Variants in FGF13 observed in about 807,000 individuals in gnomAD.
FGF13 encodes the protein fibroblast growth factor homologous factor 2.
Under a neutral mutation model 19.5 loss-of-function variants are expected in FGF13, and 2 were observed. That is an observed-to-expected ratio of 0.10 (90% CI 0.04 to 0.32). The LOEUF (loss-of-function observed/expected upper bound fraction) is 0.32, where lower values mean the gene tolerates loss of function less well. Among genes scored for constraint, FGF13 ranks in the 10% least tolerant of loss-of-function variants. FGF13 has a pLI of 1.00. For synonymous variants in FGF13, 72 were observed against 76.9 expected, an observed-to-expected ratio of 0.94 and a Z score of 0.33; for missense variants, 113 against 192.7, an observed-to-expected ratio of 0.59 and a Z score of 2.45.
At chrX:139,104,773 A>G (rs2083546177) in intron 1 of FGF13, among the ~76,000 whole-genome samples, 1 of 110,798 alleles carries the variant, frequency 9.0e-6, no homozygotes, top group Non-Finnish European at 1.9e-5. Context: ...TCTCTGCTCT[A>G]TTCCTATAAG....
At chrX:138,711,861 AG>A (rs1393869867), upstream of FGF13, among the ~76,000 whole-genome samples, 2 of 93,645 alleles carry the variant, frequency 2.1e-5, no homozygotes, top group African/African-American at 8.2e-5. Flanking sequence ...TAACACCTGT[AG>A]GGGCTTCCGC....
At chrX:138,823,796 C>A (rs1440163618) in intron 3 of FGF13, among the ~76,000 whole-genome samples, 1 of 111,926 alleles carries the variant, frequency 8.9e-6, no homozygotes, top group Non-Finnish European at 1.9e-5. Flanking sequence ...TGCACTGTTT[C>A]ATCGGATCCT....
chrX:139,028,665 AAG>A (rs1178324612), intron 1 of FGF13, among the ~76,000 whole-genome samples: 759 of 26,020 alleles, frequency 0.029, 15 homozygotes, highest in African/African-American at 0.09. Context: ...GAGAGAGAGA[AAG>A]AGAGAGTGTG....
intron 1 of FGF13, among the ~76,000 whole-genome samples, chrX:138,978,206 C>A (rs1281273187): frequency 9.1e-6 from 1 of 109,729 alleles, no homozygotes; most frequent in Non-Finnish European, 1.9e-5. Context: ...TCATAACTTG[C>A]CTCTGTGTAA....
chrX:139,148,103 C>T (rs1431144541), intron 1 of FGF13, among the ~76,000 whole-genome samples: 1 of 111,099 alleles, frequency 9.0e-6, no homozygotes, highest in African/African-American at 3.3e-5. Flanking sequence ...GCAGAGGCCC[C>T]TTTCCCAGGA....
intron 1 of FGF13, among the ~76,000 whole-genome samples, chrX:139,113,300 C>T (rs1295155091): frequency 9.1e-6 from 1 of 110,434 alleles, no homozygotes; most frequent in African/African-American, 3.3e-5. Flanking sequence ...CTACACCTGC[C>T]AGGTTCTCCA....
upstream of FGF13, chrX:138,711,814 C>T (rs2090055834): frequency 3.1e-6 from 1 of 325,941 alleles, no homozygotes; most frequent in Non-Finnish European, 4.0e-6. Context: ...CCCACCCCCA[C>T]CCCCACCCCC....
chrX:138,684,047 A>T (rs1185660296), intron 3 of FGF13, among the ~76,000 whole-genome samples: 2 of 111,719 alleles, frequency 1.8e-5, no homozygotes, highest in Non-Finnish European at 3.8e-5. Flanking sequence ...TTCAAATATG[A>T]TCCCCTGGCT....
chrX:139,095,509 TG>T (rs2083464959), intron 1 of FGF13, among the ~76,000 whole-genome samples: 1 of 111,514 alleles, frequency 9.0e-6, no homozygotes, highest in Non-Finnish European at 1.9e-5. Flanking sequence ...AGAGATAGCT[TG>T]GGTAGTAGAA....
At chrX:138,796,536 G>A (rs2090779895) in intron 3 of FGF13, among the ~76,000 whole-genome samples, 2 of 111,838 alleles carry the variant, frequency 1.8e-5, no homozygotes, top group Admixed American at 1.9e-4. Flanking sequence ...AAACATACGT[G>A]TGCATGTGTC....
At chrX:138,747,993 G>A (rs1209956603) in intron 3 of FGF13, among the ~76,000 whole-genome samples, 1 of 110,636 alleles carries the variant, frequency 9.0e-6, no homozygotes, top group Non-Finnish European at 1.9e-5. Context: ...CTGAAGGGAT[G>A]GAATGGGAGA....
intron 1 of FGF13, among the ~76,000 whole-genome samples, chrX:139,061,765 G>T (rs2092336910): frequency 9.0e-6 from 1 of 110,795 alleles, no homozygotes; most frequent in African/African-American, 3.3e-5. Context: ...CCACAGTAAA[G>T]GGTATGAAGT....
intron 3 of FGF13, among the ~76,000 whole-genome samples, chrX:138,846,185 TTGTGTGTGTG>T (rs200911113): frequency 1.8e-4 from 17 of 96,653 alleles, no homozygotes; most frequent in South Asian, 1.7e-3. Flanking sequence ...ATGTGTCCAT[TTGTGTGTGTG>T]TGTGTGTGTG....
intron 1 of FGF13, among the ~76,000 whole-genome samples, chrX:138,980,142 A>T (rs935477073): frequency 4.5e-5 from 5 of 112,100 alleles, no homozygotes; most frequent in Non-Finnish European, 9.4e-5. Context: ...GTTTTTCAAA[A>T]TGTTTTTTTT....
At chrX:139,022,029 T>C (rs2092180064) in intron 1 of FGF13, among the ~76,000 whole-genome samples, 1 of 111,690 alleles carries the variant, frequency 9.0e-6, no homozygotes, top group South Asian at 3.7e-4. Context: ...AGAGAATTCT[T>C]TGATAAAATT....
At chrX:138,640,874 G>A (rs148732075) in intron 3 of FGF13, among the ~76,000 whole-genome samples, 441 of 111,638 alleles carry the variant, frequency 4.0e-3, no homozygotes, top group African/African-American at 0.012. Context: ...ATGTGTGTCC[G>A]TATCTCAGCA....
chrX:138,833,164 T>C (rs1034806605), intron 3 of FGF13, among the ~76,000 whole-genome samples: 3 of 112,155 alleles, frequency 2.7e-5, no homozygotes, highest in Admixed American at 9.5e-5. Flanking sequence ...GTAGGTTCCA[T>C]ATGAATTTTA....
intron 1 of FGF13, among the ~76,000 whole-genome samples, chrX:138,718,346 ATGGAGGATT>A (rs1357858122): frequency 8.9e-6 from 1 of 112,001 alleles, no homozygotes; most frequent in Non-Finnish European, 1.9e-5. Flanking sequence ...GGAAAAAATG[ATGGAGGATT>A]TGAGGCAATG....
Position 139,053,799 on chromosome X carries a change from T to C in FGF13, c.-113+149617A>G, listed in dbSNP as rs748849873. Among the ~76,000 whole-genome samples, 41 of 112,052 alleles carry C rather than the reference T, an allele frequency of 3.7e-4. 1 individual carries two copies. The highest frequency in any genetic ancestry group is 1.3e-3 in the African/African-American group (39 of 30,860). On this transcript the variant is annotated intron_variant, in intron 1 of 2. Transcript: ENST00000421460. ...TTATCTTTGTTTTTATTGCATTTGC[T>C]TTTGGGTTCTTGGTCATGAAATCCT...
Sources: gnomAD v4.1 joint callset for allele counts (sites outside exome capture counted in the v4.1 genomes callset) on GRCh38, gnomAD v4.1.1 for gene constraint, MANE v1.5 for transcripts, NCBI Gene and HGNC (gene_info 2026-07-23, HGNC 2026-07-21) for gene names.